Variants in LOXHD1 observed in about 807,000 individuals in gnomAD.
LOXHD1 encodes lipoxygenase homology PLAT domains 1, also known as lipoxygenase homology domain-containing protein 1.
Under a neutral mutation model 248.2 loss-of-function variants are expected in LOXHD1, and 205 were observed. The ratio of observed to expected loss-of-function variants is 0.83; its 90% CI spans 0.74 to 0.93. The LOEUF (loss-of-function observed/expected upper bound fraction) is 0.93. LOXHD1 is among the 40% of genes least tolerant of loss of function. LOXHD1 has a pLI of 0.00. For synonymous variants in LOXHD1, 1,113 were observed against 1,162.8 expected (o/e 0.96, Z 0.87); for missense variants, 2,930 against 2,971.6 (o/e 0.99, Z 0.33).
intron 21 of LOXHD1, among the ~76,000 whole-genome samples, chr18:46,550,529 C>A (rs1007117719): frequency 3.1e-4 from 43 of 137,132 alleles, no homozygotes; most frequent in African/African-American, 1.1e-3. Context: ...GCCGAGATTG[C>A]GCCACTGCAG....
chr18:46,558,114 A>G (rs1048054317), intron 20 of LOXHD1: 5 of 965,246 alleles, frequency 5.2e-6, no homozygotes, highest in Middle Eastern at 5.3e-4. Flanking sequence ...TTTGAAAAAG[A>G]TTTTAAATCT....
chr18:46,611,936 C>T (rs2038514625), intron 5 of LOXHD1, among the ~76,000 whole-genome samples: 1 of 152,116 alleles, frequency 6.6e-6, no homozygotes, highest in South Asian at 2.1e-4. Context: ...GTGTGATAGT[C>T]ACTATTATAT....
chr18:46,487,468 G>A (rs1281521923), intron 38 of LOXHD1, among the ~76,000 whole-genome samples: 1 of 152,190 alleles, frequency 6.6e-6, no homozygotes, highest in Non-Finnish European at 1.5e-5. Flanking sequence ...GGAATGCTAG[G>A]AGCATAGTTG....
intron 17 of LOXHD1, among the ~76,000 whole-genome samples, chr18:46,563,529 T>A (rs909987786): frequency 3.3e-5 from 5 of 152,112 alleles, no homozygotes; most frequent in African/African-American, 4.8e-5. Context: ...CAGCTGGCGA[T>A]CCCTGCTGTG....
At chr18:46,500,183 C>T (rs1355541091) in intron 37 of LOXHD1, among the ~76,000 whole-genome samples, 1 of 152,198 alleles carries the variant, frequency 6.6e-6, no homozygotes, top group African/African-American at 2.4e-5. Flanking sequence ...TTGCTATCCT[C>T]AAGCTGCACT....
intron 3 of LOXHD1, among the ~76,000 whole-genome samples, chr18:46,640,945 C>A (rs2038955241): frequency 1.3e-5 from 2 of 152,178 alleles, no homozygotes; most frequent in Admixed American, 6.5e-5. Flanking sequence ...ATACAGCACA[C>A]AACCCCAACA....
At chr18:46,640,927 A>T (rs796260151) in intron 3 of LOXHD1, among the ~76,000 whole-genome samples, 3 of 152,322 alleles carry the variant, frequency 2.0e-5, no homozygotes, top group African/African-American at 7.2e-5. Flanking sequence ...CAGGACAACC[A>T]CAGCTCAATA....
chr18:46,586,434 TTTTTTG>T (rs924714533), intron 12 of LOXHD1, among the ~76,000 whole-genome samples: 5 of 7,736 alleles, frequency 6.5e-4, no homozygotes, highest in African/African-American at 1.2e-3. Flanking sequence ...AGCTGTTGTT[TTTTTTG>T]TTTGTTTTGT....
At chr18:46,566,234 T>C in intron 17 of LOXHD1, 23 bp downstream of exon 17, 1 of 1,531,072 alleles carries the variant, frequency 6.5e-7, no homozygotes, top group Non-Finnish European at 8.8e-7. Context: ...CAATGGGTGG[T>C]CCCACCACAG....
chr18:46,619,121 C>G (rs191712733), intron 4 of LOXHD1, among the ~76,000 whole-genome samples: 1 of 152,192 alleles, frequency 6.6e-6, no homozygotes, highest in Non-Finnish European at 1.5e-5. Context: ...GGGAATCCTC[C>G]AGCTTTTCAC....
At chr18:46,623,334 T>C (rs1313955743) in intron 4 of LOXHD1, among the ~76,000 whole-genome samples, 4 of 152,194 alleles carry the variant, frequency 2.6e-5, no homozygotes, top group African/African-American at 4.8e-5. Context: ...CATAGTCACC[T>C]CCTTCCACTA....
chr18:46,544,834 C>T (rs2036726472), intron 23 of LOXHD1: 2 of 471,606 alleles, frequency 4.2e-6, no homozygotes, highest in South Asian at 3.1e-5. Flanking sequence ...TGGCACTAGG[C>T]TCTGGACCTG....
intron 21 of LOXHD1, 75 bp downstream of exon 21, chr18:46,557,281 T>G: frequency 6.5e-7 from 1 of 1,537,950 alleles, no homozygotes; most frequent in Non-Finnish European, 8.8e-7. Context: ...CCAGTCTTCT[T>G]CCAGGACTAC....
chr18:46,477,493 T>C lies in LOXHD1; in HGVS notation c.6801A>G (p.Arg2267=). The change falls in exon 41 of 41, where the codon AGA becomes AGG. Residue 2267 remains arginine, a synonymous_variant. Coordinates refer to ENST00000642948, the MANE Select transcript of LOXHD1 (RefSeq NM_001384474.1). ...DKKRGDGLTW[R]DLFPSV Reference sequence around the variant, plus strand: ...CCCCTCAGACAGAAGGGAAGAGGTCTCTCCAGGTGAGTCCATCCCCCCGCT... The same window carrying C: ...CCCCTCAGACAGAAGGGAAGAGGTCCCTCCAGGTGAGTCCATCCCCCCGCT... 1 of 1,547,956 alleles carries C rather than the reference T, an allele frequency of 6.5e-7. No homozygotes were observed. Among genetic ancestry groups the C allele is most frequent in the Middle Eastern group, 2.0e-4 (1 of 5,076 alleles).
At position 46,524,715 on chromosome 18, in the gene LOXHD1, TA is replaced by T; in HGVS notation, c.4732del (p.Tyr1578ThrfsTer24). 1 of 1,551,700 alleles carries T rather than the reference TA, an allele frequency of 6.4e-7. No homozygotes were observed. The highest frequency in any genetic ancestry group is 8.7e-7 in the Non-Finnish European group (1 of 1,146,984). The part of the protein sequence containing the change: ...KEDGRLERLF[Y>X]EKEYTGDRSS... ...ATATACCCCTTGGCTCACCTTCTCGTAAAAGAGCCTCTCGAGTCGCCCATCC... is the reference window on the plus strand; with the variant it reads ...ATATACCCCTTGGCTCACCTTCTCGTAAAGAGCCTCTCGAGTCGCCCATCC... On this transcript the variant is annotated frameshift_variant, in exon 30 of 41. Coordinates refer to ENST00000642948, the MANE Select transcript of LOXHD1 (RefSeq NM_001384474.1). LOFTEE classifies it high-confidence loss of function.
chr18:46,542,978 G>T, intron 23 of LOXHD1, 123 bp from the exon 24 acceptor site: 2 of 1,362,354 alleles, frequency 1.5e-6, no homozygotes, highest in Non-Finnish European at 2.0e-6. Context: ...AATTTAGACT[G>T]TGCAATTATC....
At chr18:46,536,779 G>T (rs561202099) in intron 26 of LOXHD1, among the ~76,000 whole-genome samples, 75 of 152,172 alleles carry the variant, frequency 4.9e-4, no homozygotes, top group Admixed American at 1.3e-3. Flanking sequence ...CAGAGAAGGT[G>T]GGAAGAGAGC....
chr18:46,508,303 T>C (rs964490310), intron 35 of LOXHD1, among the ~76,000 whole-genome samples: 14 of 152,096 alleles, frequency 9.2e-5, no homozygotes, highest in African/African-American at 3.4e-4. Context: ...TAACCCACAG[T>C]CCCTCAGAAT....
intron 1 of LOXHD1, among the ~76,000 whole-genome samples, chr18:46,653,424 TC>T (rs2039138170): frequency 6.6e-6 from 1 of 152,244 alleles, no homozygotes; most frequent in Non-Finnish European, 1.5e-5. Flanking sequence ...TAAGTTTTGT[TC>T]TGTATATACA....
Sources: gnomAD v4.1 joint callset for allele counts (sites outside exome capture counted in the v4.1 genomes callset) on GRCh38, gnomAD v4.1.1 for gene constraint, MANE v1.5 for transcripts, NCBI Gene and HGNC (gene_info 2026-07-23, HGNC 2026-07-21) for gene names.